CAMTA1: variants seen among roughly 807,000 people sequenced by gnomAD.
The protein encoded by CAMTA1 is calmodulin-binding transcription activator 1.
Under a neutral mutation model 170.9 loss-of-function variants are expected in CAMTA1, and 27 were observed. The observed-to-expected ratio is 0.16, with a 90% confidence interval of 0.12 to 0.22. The LOEUF (loss-of-function observed/expected upper bound fraction) is 0.22, where lower values mean the gene tolerates loss of function less well. CAMTA1 is among the 10% of genes least tolerant of loss of function. The pLI is 1.00. For missense variants in CAMTA1, 1,619 were observed against 2,217.2 expected, an observed-to-expected ratio of 0.73 and a Z score of 5.42; for synonymous variants, 833 against 891.5, an observed-to-expected ratio of 0.93 and a Z score of 1.17.
At chr1:7,384,630 A>G (rs1345610138) in intron 5 of CAMTA1, among the ~76,000 whole-genome samples, 2 of 152,224 alleles carry the variant, frequency 1.3e-5, no homozygotes, top group Admixed American at 6.5e-5. Flanking sequence ...AATCTTTGCC[A>G]TTTTGTCACT....
At chr1:7,135,495 C>T (rs1645490521) in intron 4 of CAMTA1, among the ~76,000 whole-genome samples, 1 of 152,118 alleles carries the variant, frequency 6.6e-6, no homozygotes, top group Non-Finnish European at 1.5e-5. Flanking sequence ...TTAGTTCAGC[C>T]CCTGTGGAAA....
intron 3 of CAMTA1, among the ~76,000 whole-genome samples, chr1:6,901,530 T>G (rs927488468): frequency 2.0e-5 from 3 of 152,144 alleles, no homozygotes; most frequent in Non-Finnish European, 4.4e-5. Context: ...TTTAAAAACT[T>G]TAAAACAACC....
chr1:7,039,206 C>T (rs7517585), intron 3 of CAMTA1, among the ~76,000 whole-genome samples: 108,613 of 152,068 alleles, frequency 0.71, 40,118 homozygotes, highest in African/African-American at 0.91. Flanking sequence ...ATTTAATATA[C>T]TGTTGGAGTG....
chr1:6,937,819 C>T (rs1415289713), intron 3 of CAMTA1, among the ~76,000 whole-genome samples: 1 of 151,326 alleles, frequency 6.6e-6, no homozygotes, highest in Non-Finnish European at 1.5e-5. Flanking sequence ...ACTGTCATCA[C>T]TACCATAACC....
Position 7,152,305 on chromosome 1 carries a change from C to T in CAMTA1, c.302+60934C>T, listed in dbSNP as rs147766072. ...GCTCCTACATCTCCAGTACCTTCCA[C>T]GTTTCTGTTCTCCTTAGAGTGGCTT... On this transcript the variant is annotated intron_variant, in intron 4 of 22. Coordinates refer to ENST00000303635, the MANE Select transcript of CAMTA1 (RefSeq NM_015215.4). Among the ~76,000 whole-genome samples the T allele has an allele frequency of 1.4e-3, 217 of 152,276 alleles. 1 individual carries two copies. The highest frequency in any genetic ancestry group is 2.7e-3 in the Non-Finnish European group (181 of 68,026).
At chr1:7,003,151 A>G (rs1339296478) in intron 3 of CAMTA1, among the ~76,000 whole-genome samples, 2 of 152,234 alleles carry the variant, frequency 1.3e-5, no homozygotes, top group Non-Finnish European at 2.9e-5. Context: ...CTCAGTTGTG[A>G]CAACAAGAAA....
intron 5 of CAMTA1, among the ~76,000 whole-genome samples, chr1:7,343,390 C>G (rs1019591931): frequency 5.3e-5 from 8 of 152,144 alleles, no homozygotes; most frequent in Admixed American, 3.3e-4. Flanking sequence ...GCATCTTGGC[C>G]ACCTCCGAGG....
intron 6 of CAMTA1, among the ~76,000 whole-genome samples, chr1:7,557,787 CT>C (rs2094899394): frequency 3.3e-5 from 5 of 150,454 alleles, no homozygotes; most frequent in African/African-American, 1.2e-4. Context: ...GCCATAGATC[CT>C]TGTGATGTTT....
rs1001420817 is a variant in CAMTA1 at position 7,249,453 on chromosome 1, T to C, written c.303-38T>C. On this transcript the variant is annotated intron_variant, in intron 4 of 22. Coordinates refer to ENST00000303635, the MANE Select transcript of CAMTA1 (RefSeq NM_015215.4). The surrounding 1 kb of genome is among the most constrained non-coding windows in gnomAD (Gnocchi z 4.4). Reference sequence around the variant, plus strand: ...CTTTCTTCATAAATTTTTCTTCTACTTGGTACTCTTGGTAACTTAACCATT... The same window carrying C: ...CTTTCTTCATAAATTTTTCTTCTACCTGGTACTCTTGGTAACTTAACCATT... 2 of 1,585,516 alleles carry C rather than the reference T, an allele frequency of 1.3e-6. No individual in the cohort carries two copies. The highest frequency in any genetic ancestry group is 2.7e-5 in the African/African-American group (2 of 73,948).
intron 4 of CAMTA1, among the ~76,000 whole-genome samples, chr1:7,129,418 A>C (rs962205219): frequency 2.6e-5 from 4 of 152,056 alleles, no homozygotes; most frequent in Non-Finnish European, 5.9e-5. Context: ...CTCTGTCTCC[A>C]GGACTCACTG....
At chr1:7,375,676 C>G (rs1033997431) in intron 5 of CAMTA1, among the ~76,000 whole-genome samples, 2 of 152,204 alleles carry the variant, frequency 1.3e-5, no homozygotes, top group Non-Finnish European at 2.9e-5. Context: ...GACCTGTGTC[C>G]CCATGGTTAC....
chr1:7,604,483 G>T (rs1364214892), intron 6 of CAMTA1, among the ~76,000 whole-genome samples: 2 of 152,142 alleles, frequency 1.3e-5, no homozygotes, highest in Non-Finnish European at 2.9e-5. Context: ...AGCTACTGAG[G>T]CTTGTGCATT....
chr1:7,294,170 G>C (rs754041178), intron 5 of CAMTA1, among the ~76,000 whole-genome samples: 29 of 152,284 alleles, frequency 1.9e-4, no homozygotes, highest in Non-Finnish European at 3.1e-4. Flanking sequence ...GCTGAGAGGG[G>C]ATAACCCAAG....
chr1:7,650,564 C>T (rs4908661), intron 7 of CAMTA1, among the ~76,000 whole-genome samples: 13,773 of 152,202 alleles, frequency 0.09, 691 homozygotes, highest in East Asian at 0.13. Flanking sequence ...GATGTTGGGA[C>T]GAAGCCCATG....
intron 6 of CAMTA1, among the ~76,000 whole-genome samples, chr1:7,628,366 C>T (rs1039640732): frequency 2.6e-5 from 4 of 152,252 alleles, no homozygotes; most frequent in Admixed American, 6.5e-5. Flanking sequence ...AAGAATGCGG[C>T]TTGGCCAGCC....
chr1:7,051,829 T>C (rs12564136), intron 3 of CAMTA1, among the ~76,000 whole-genome samples: 110,081 of 152,018 alleles, frequency 0.72, 40,723 homozygotes, highest in African/African-American at 0.88. Context: ...CAGTCTACCC[T>C]TGCCCCTGGA....
chr1:7,088,870 C>A (rs1428466620), intron 3 of CAMTA1, among the ~76,000 whole-genome samples: 2 of 152,212 alleles, frequency 1.3e-5, no homozygotes, highest in Non-Finnish European at 2.9e-5. Flanking sequence ...AGTAAATCCA[C>A]GTACTGACTC....
At chr1:7,356,120 G>T (rs565730890) in intron 5 of CAMTA1, among the ~76,000 whole-genome samples, 10 of 152,224 alleles carry the variant, frequency 6.6e-5, no homozygotes, top group Non-Finnish European at 1.3e-4. Flanking sequence ...TTGGGAGGGA[G>T]GCATGGAAGC....
intron 4 of CAMTA1, among the ~76,000 whole-genome samples, chr1:7,200,131 T>C (rs1656379052): frequency 6.6e-6 from 1 of 152,234 alleles, no homozygotes; most frequent in Non-Finnish European, 1.5e-5. Context: ...GTTGTTCACA[T>C]TTCACTATAT....
Sources: gnomAD v4.1 joint callset for allele counts (sites outside exome capture counted in the v4.1 genomes callset) on GRCh38, gnomAD v4.1.1 for gene constraint, Gnocchi (gnomAD v3.1) non-coding constraint, MANE v1.5 for transcripts, NCBI Gene and HGNC (gene_info 2026-07-23, HGNC 2026-07-21) for gene names.